Variants in DOCK3 observed in about 807,000 individuals in gnomAD.
DOCK3 encodes dedicator of cytokinesis protein 3.
In DOCK3, 60 loss-of-function variants were observed where a neutral mutation model predicts 265.6. The ratio of observed to expected loss-of-function variants is 0.23; its 90% CI spans 0.18 to 0.28. The LOEUF (loss-of-function observed/expected upper bound fraction) is 0.28, where lower values mean the gene tolerates loss of function less well. Ranked by LOEUF, DOCK3 falls within the 10% of genes least tolerant of loss-of-function variation. The pLI is 1.00. For missense variants in DOCK3, 1,981 were observed against 2,594.3 expected, an observed-to-expected ratio of 0.76 and a Z score of 5.14; for synonymous variants, 881 against 938.0, an observed-to-expected ratio of 0.94 and a Z score of 1.11.
intron 22 of DOCK3, among the ~76,000 whole-genome samples, chr3:51,256,335 A>G (rs925259097): frequency 2.0e-5 from 3 of 152,148 alleles, no homozygotes; most frequent in African/African-American, 7.2e-5. Context: ...CAGTGGCCTG[A>G]TATCTGCTCA....
chr3:51,340,250 G>T (rs1349481778), intron 37 of DOCK3, among the ~76,000 whole-genome samples: 1 of 152,228 alleles, frequency 6.6e-6, no homozygotes, highest in Non-Finnish European at 1.5e-5. Context: ...CTCAGGGAAT[G>T]ACATCTGAAA....
intron 1 of DOCK3, among the ~76,000 whole-genome samples, chr3:50,746,615 C>T (rs1044320930): frequency 3.3e-5 from 5 of 152,070 alleles, no homozygotes; most frequent in East Asian, 1.9e-4. Context: ...AAAGAAAAGA[C>T]GCTTAATTGG....
chr3:50,680,289 G>T (rs1175083904), intron 1 of DOCK3, among the ~76,000 whole-genome samples: 1 of 148,720 alleles, frequency 6.7e-6, no homozygotes, highest in Non-Finnish European at 1.5e-5. Flanking sequence ...TCGGCTCACT[G>T]CAACCTTCGC....
At chr3:50,896,626 C>T (rs935465635) in intron 4 of DOCK3, among the ~76,000 whole-genome samples, 13 of 151,690 alleles carry the variant, frequency 8.6e-5, no homozygotes, top group African/African-American at 7.3e-5. Context: ...TTAGGTCTTA[C>T]GTTTAAGTCT....
At chr3:51,228,883 A>G in intron 18 of DOCK3, 51 bp downstream of exon 18, 2 of 1,577,420 alleles carry the variant, frequency 1.3e-6, no homozygotes, top group African/African-American at 1.4e-5. Context: ...TCCATTGTTC[A>G]CTCCACACTA....
In DOCK3 at chr3:51,281,274, A is replaced by AATATATATAT. The variant is rs56084027; in HGVS notation, c.2922+1093_2922+1102dup. 2.6e-3 allele frequency among the ~76,000 whole-genome samples: 329 copies of AATATATATAT among 125,624 alleles called. 3 individuals carry two copies. The highest frequency in any genetic ancestry group is 8.8e-3 in the African/African-American group (288 of 32,836). The allele number at this position is 125,624 out of a possible 152,430, so 82.4% of individuals were successfully genotyped here. A position where few individuals can be genotyped will look rare whatever the true frequency, so the allele number is the denominator to read the frequency against. On this transcript the variant is annotated intron_variant, in intron 27 of 52. Coordinates refer to ENST00000266037, the MANE Select transcript of DOCK3 (RefSeq NM_004947.5). ...ACACTAACGATAGCTGATGAGCTAA[A>AATATATATAT]ATATATATATATATATATATATATA... is the stretch of plus-strand genomic sequence containing the variant.
intron 1 of DOCK3, among the ~76,000 whole-genome samples, chr3:50,740,661 A>AT (rs1006764130): frequency 2.0e-5 from 3 of 151,770 alleles, no homozygotes; most frequent in African/African-American, 7.3e-5. Flanking sequence ...AACATTCAAA[A>AT]TTTTTTTTCT....
rs139890793 is a variant in DOCK3 at position 51,225,695 on chromosome 3, C to T, written c.1299C>T (p.Phe433=). The T allele has an allele frequency of 8.1e-6, 13 of 1,613,578 alleles. No individual in the cohort carries two copies. The highest frequency in any genetic ancestry group is 1.7e-4 in the Middle Eastern group (1 of 6,060). Residue 433 remains phenylalanine (F), a synonymous_variant, in exon 15 of 53, where the codon TTC becomes TTT. Transcript: ENST00000266037. ...DLYLTLEKGD[F]ERGGKSVQKN... The stretch of plus-strand genomic sequence containing the variant: ...ACCTAACCCTGGAGAAGGGGGATTT[C>T]GAGAGAGGAGGAAAGAGTGTACAAA...
intron 5 of DOCK3, among the ~76,000 whole-genome samples, chr3:51,040,199 T>G (rs769637970): frequency 8.5e-6 from 1 of 117,916 alleles, no homozygotes; most frequent in Admixed American, 9.7e-5. Flanking sequence ...TTTTATTGTC[T>G]GAAATGTGCC....
chr3:50,775,436 A>T (rs1576399765), intron 1 of DOCK3, among the ~76,000 whole-genome samples: 1 of 151,746 alleles, frequency 6.6e-6, no homozygotes, highest in African/African-American at 2.4e-5. Context: ...TGATGATTTT[A>T]ATGTTTTGAT....
intron 1 of DOCK3, among the ~76,000 whole-genome samples, chr3:50,705,833 C>G (rs1278602611): frequency 6.6e-6 from 1 of 152,114 alleles, no homozygotes; most frequent in African/African-American, 2.4e-5. Context: ...AGTTTAAGAC[C>G]AGCCTGGCCA....
At chr3:51,286,046 T>C (rs992765241) in intron 27 of DOCK3, among the ~76,000 whole-genome samples, 1 of 152,194 alleles carries the variant, frequency 6.6e-6, no homozygotes, top group African/African-American at 2.4e-5. Context: ...TTACAGATGT[T>C]ATAATTCTAT....
intron 7 of DOCK3, among the ~76,000 whole-genome samples, chr3:51,080,607 C>G (rs1201997859): frequency 1.3e-5 from 2 of 152,182 alleles, no homozygotes; most frequent in Non-Finnish European, 2.9e-5. Flanking sequence ...CTAAATCATT[C>G]TCTCAAAATT....
intron 2 of DOCK3, among the ~76,000 whole-genome samples, chr3:50,823,323 G>T (rs1469193772): frequency 1.3e-5 from 2 of 152,254 alleles, no homozygotes; most frequent in Admixed American, 6.5e-5. Context: ...GCCTTCCACA[G>T]TGTTTGTGTC....
intron 3 of DOCK3, among the ~76,000 whole-genome samples, chr3:50,867,761 C>T (rs1323060469): frequency 6.6e-6 from 1 of 152,042 alleles, no homozygotes; most frequent in African/African-American, 2.4e-5. Context: ...ATCCTTCCAT[C>T]CCAGGGATAA....
chr3:51,226,294 C>A (rs2090321990), intron 15 of DOCK3, among the ~76,000 whole-genome samples: 1 of 152,128 alleles, frequency 6.6e-6, no homozygotes, highest in African/African-American at 2.4e-5. Context: ...ATGAAGACTT[C>A]AGTGCTGTTT....
At chr3:50,843,707 T>G (rs2045949072) in intron 3 of DOCK3, among the ~76,000 whole-genome samples, 1 of 152,222 alleles carries the variant, frequency 6.6e-6, no homozygotes, top group Admixed American at 6.5e-5. Context: ...ATTCAGAGAT[T>G]GTATATTTTG....
intron 2 of DOCK3, among the ~76,000 whole-genome samples, chr3:50,832,334 A>G (rs1190444708): frequency 3.3e-5 from 5 of 152,236 alleles, no homozygotes; most frequent in Admixed American, 6.5e-5. Flanking sequence ...ACCAAAAGCA[A>G]TGGCAACAAA....
intron 10 of DOCK3, among the ~76,000 whole-genome samples, chr3:51,151,799 T>C (rs2085612280): frequency 6.6e-6 from 1 of 152,228 alleles, no homozygotes; most frequent in Non-Finnish European, 1.5e-5. Flanking sequence ...AAAATTCGTT[T>C]CTTTAAGAAT....
Sources: gnomAD v4.1 joint callset for allele counts (sites outside exome capture counted in the v4.1 genomes callset) on GRCh38, gnomAD v4.1.1 for gene constraint, MANE v1.5 for transcripts, NCBI Gene and HGNC (gene_info 2026-07-23, HGNC 2026-07-21) for gene names.